TROAP: variants seen among roughly 807,000 people sequenced by gnomAD.
TROAP encodes the protein tastin.
A neutral mutation model predicts 83.4 loss-of-function variants in TROAP; 62 were observed. The observed-to-expected ratio is 0.74, with a 90% CI of 0.61 to 0.92. The LOEUF is 0.92. Ranked by LOEUF, TROAP falls within the 40% of genes least tolerant of loss-of-function variation. The pLI is 0.00. For missense variants in TROAP, 876 were observed against 985.1 expected (o/e 0.89, Z 1.48); for synonymous variants, 352 against 386.4 (o/e 0.91, Z 1.04).
chr12:49,330,404 C>G lies in TROAP; in HGVS notation c.1559C>G (p.Pro520Arg), dbSNP rs1179286714. 6.2e-7 allele frequency: 1 copy of G among 1,614,024 alleles called. No individual in the cohort carries two copies. Among genetic ancestry groups the G allele is most frequent in the African/African-American group, 1.3e-5 (1 of 74,908 alleles). ...GEPQPCPPAE[P>R]GPPEAFCRSE... ...CCACAGCCCTGCCCTCCGGCAGAGC[C>G]TGGGCCCCCAGAGGCCTTCTGTAGG... Residue 520 changes from proline (P) to arginine (R), a missense_variant, in exon 13 of 15, where the codon CCT (proline) becomes CGT (arginine). Pro to Arg is a moderately radical substitution (Grantham distance 103). This residue lies in a region of TROAP where 689 missense variants were observed against 722.6 expected (regional missense o/e 0.95). Transcript: ENST00000257909.
chr12:49,328,105 G>C (rs1355001729), intron 8 of TROAP, among the ~76,000 whole-genome samples: 2 of 150,546 alleles, frequency 1.3e-5, no homozygotes, highest in South Asian at 2.2e-4. Context: ...AACACGATCA[G>C]ATTGGGTAAG....
chr12:49,329,989 C>A lies in TROAP; in HGVS notation c.1297C>A (p.Gln433Lys). 1 of 1,613,962 alleles carries A rather than the reference C, an allele frequency of 6.2e-7. No individual in the cohort carries two copies. The highest frequency in any genetic ancestry group is 1.1e-5 in the South Asian group (1 of 91,060). ...RTPSLQEVKI[Q>K]RIGILQQLLR... ...CCCCAGCCTCCAGGAGGTGAAGATT[C>A]AAGTGAGTCTGTGTGGCCAACAGCT... is the stretch of plus-strand genomic sequence containing the variant. The change falls in exon 12 of 15, where the codon CAA becomes AAA. Residue 433 changes from glutamine (Q) to lysine (K), a missense_variant and splice_region_variant. Physicochemically the swap from Gln to Lys is moderately conservative, Grantham distance 53. Coordinates refer to ENST00000257909, the MANE Select transcript of TROAP (RefSeq NM_005480.4). The surrounding 1 kb of genome is among the most constrained non-coding windows in gnomAD (Gnocchi z 4.5).
At position 49,323,713 on chromosome 12, in the gene TROAP, T is replaced by TA; in HGVS notation, c.106dup (p.Thr36AsnfsTer29). ...AGAAACGCACGCCTTTCCCCACTGT[T>TA]ACATCGTGCGCCGTGGACCAGGAGA... is the stretch of plus-strand genomic sequence containing the variant. On this transcript the variant is annotated frameshift_variant, in exon 2 of 15. Transcript: ENST00000257909. LOFTEE classifies it high-confidence loss of function. 2 of 1,614,080 alleles carry TA rather than the reference T, an allele frequency of 1.2e-6. No individual in the cohort carries two copies. The highest frequency in any genetic ancestry group is 1.7e-6 in the Non-Finnish European group (2 of 1,180,010).
In TROAP at chr12:49,325,515, A is replaced by G. The variant is rs369855235; in HGVS notation, c.352A>G (p.Ile118Val). 3.2e-5 allele frequency: 52 copies of G among 1,613,430 alleles called. No homozygotes were observed. In the African/African-American group the frequency reaches 5.9e-4, roughly 18 times the overall value. ...TTTCCTTGCAGAGGCTCCAGGGACCATAGAGTTTGTGGCTGACCCTGCAGC... is the reference window on the plus strand; with the variant it reads ...TTTCCTTGCAGAGGCTCCAGGGACCGTAGAGTTTGTGGCTGACCCTGCAGC... ...PPAQTEAPGTIEFVADPAALA... is the reference protein window; with the variant it reads ...PPAQTEAPGTVEFVADPAALA... Residue 118 changes from isoleucine to valine, a missense_variant, in exon 4 of 15, where the codon ATA becomes GTA. This residue lies in a region of TROAP where 689 missense variants were observed against 722.6 expected (regional missense o/e 0.95). Coordinates refer to ENST00000257909, the MANE Select transcript of TROAP (RefSeq NM_005480.4).
At chr12:49,326,276 G>C in intron 6 of TROAP, 118 bp downstream of exon 6, 1 of 1,015,842 alleles carries the variant, frequency 9.8e-7, no homozygotes, top group South Asian at 1.3e-5. Flanking sequence ...ACCAACTCAG[G>C]AGGGGAAGCA....
chr12:49,330,615 G>A lies in TROAP; in HGVS notation c.1770G>A (p.Glu590=). The A allele has an allele frequency of 6.2e-7, 1 of 1,612,896 alleles. No homozygotes were observed. Among genetic ancestry groups the A allele is most frequent in the Non-Finnish European group, 8.5e-7 (1 of 1,179,726 alleles). ...PCPPAEPRPL[E]SYCRIEPEIP... ...CTCCAGCAGAACCCAGGCCCCTAGA[G>A]TCCTACTGTAGGATTGAGCCTGAGA... The change falls in exon 13 of 15, where the codon GAG becomes GAA. Residue 590 remains glutamate (E), a synonymous_variant. Transcript: ENST00000257909.
At chr12:49,327,533 A>G (rs950174926) in intron 8 of TROAP, among the ~76,000 whole-genome samples, 3 of 152,152 alleles carry the variant, frequency 2.0e-5, no homozygotes, top group African/African-American at 7.2e-5. Flanking sequence ...TCTGGGGCCT[A>G]GGGTGAGAGG....
Position 49,327,283 on chromosome 12 carries a change from G to T in TROAP, c.844G>T (p.Ala282Ser). The T allele has an allele frequency of 1.9e-6, 3 of 1,614,168 alleles. No homozygotes were observed. The highest frequency in any genetic ancestry group is 2.5e-6 in the Non-Finnish European group (3 of 1,180,000). Reference sequence around the variant, plus strand: ...AGGAGGTGTGGCCTCTCTTGGTCTGGCCCAGCGAGTACCATTAAGAGAAAA... The same window carrying T: ...AGGAGGTGTGGCCTCTCTTGGTCTGTCCCAGCGAGTACCATTAAGAGAAAA... ...DEGGVASLGL[A>S]QRVPLRENRE... The change falls in exon 8 of 15, where the codon GCC becomes TCC. Residue 282 changes from alanine to serine, a missense_variant. By Grantham distance (99) the Ala-to-Ser change is moderately conservative. Around this residue, in one of 3 missense-constraint regions of TROAP, gnomAD observed 689 missense variants for 722.6 expected, o/e 0.95. Coordinates refer to ENST00000257909, the MANE Select transcript of TROAP (RefSeq NM_005480.4).
Position 49,324,040 on chromosome 12 carries a change from A to G in TROAP, c.337+3A>G. ...GCCTGGGCCCCCTGCCCAGACAGGT[A>G]CCTGTTGGAGCCATGGTAACACGGC... On this transcript the variant is annotated splice_donor_region_variant and intron_variant, in intron 3 of 14. Transcript: ENST00000257909. 1 of 1,612,698 alleles carries G rather than the reference A, an allele frequency of 6.2e-7. No homozygotes were observed. Among genetic ancestry groups the G allele is most frequent in the Non-Finnish European group, 8.5e-7 (1 of 1,179,108 alleles).
chr12:49,330,854 C>T lies in TROAP; in HGVS notation c.2009C>T (p.Thr670Ile). ...PCCSQWAPAT[T>I]SLIFSSQHPL... is the part of the protein sequence containing the mutation. ...TGCAGTCAGTGGGCTCCAGCAACCA[C>T]CAGCCTGATCTTCTCTTCCCAACAC... Residue 670 changes from threonine (T) to isoleucine (I), a missense_variant, in exon 13 of 15, where the codon ACC becomes ATC. By Grantham distance (89) the Thr-to-Ile change is moderately conservative. Around this residue, in one of 3 missense-constraint regions of TROAP, gnomAD observed 184 missense variants for 238.3 expected, o/e 0.77. Transcript: ENST00000257909. The T allele has an allele frequency of 6.2e-7, 1 of 1,613,264 alleles. No homozygotes were observed. Among genetic ancestry groups the T allele is most frequent in the Non-Finnish European group, 8.5e-7 (1 of 1,179,986 alleles).
intron 13 of TROAP, 104 bp downstream of exon 13, chr12:49,331,047 C>T: frequency 6.5e-7 from 1 of 1,548,650 alleles, no homozygotes. Context: ...TGCTTCCACA[C>T]CTTCCACCCT....
At position 49,330,189 on chromosome 12, in the gene TROAP, G is replaced by C; in HGVS notation, c.1344G>C (p.Gly448=). ...LQQLLRQEVE[G]LVGGQCVPLN... is the part of the protein sequence containing the mutation. ...AGCTGTTGAGACAGGAAGTAGAGGG[G>C]CTGGTAGGGGGCCAGTGTGTCCCTC... is the stretch of plus-strand genomic sequence containing the variant. Residue 448 remains glycine (G), a synonymous_variant, in exon 13 of 15, where the codon GGG becomes GGC. Transcript: ENST00000257909. The C allele has an allele frequency of 4.3e-6, 7 of 1,614,026 alleles. No homozygotes were observed. The highest frequency in any genetic ancestry group is 5.9e-6 in the Non-Finnish European group (7 of 1,179,944).
At position 49,328,845 on chromosome 12, in the gene TROAP, C is replaced by T. The variant is rs1448392871; in HGVS notation, c.892-82C>T. ...CGCCACTGGACTCCATCCTGGGTGA[C>T]AGAGCGAGACTCCGTATCAAAAAAA... is the stretch of plus-strand genomic sequence containing the variant. On this transcript the variant is annotated intron_variant, in intron 8 of 14. Transcript: ENST00000257909. 1.2e-5 allele frequency: 18 copies of T among 1,482,882 alleles called. No homozygotes were observed. The East Asian group carries it at 3.9e-4, about 32-fold the overall frequency. 91.9% of individuals were successfully genotyped at this position (1,482,882 alleles called of 1,614,324 possible).
intron 13 of TROAP, 81 bp downstream of exon 13, chr12:49,331,024 C>G: frequency 6.3e-7 from 1 of 1,575,574 alleles, no homozygotes; most frequent in Non-Finnish European, 8.6e-7. Flanking sequence ...TGCCCCTACC[C>G]CAGGCAATCT....
chr12:49,323,725 C>T lies in TROAP; in HGVS notation c.117C>T (p.Ala39=). 2 of 1,614,098 alleles carry T rather than the reference C, an allele frequency of 1.2e-6. No individual in the cohort carries two copies. The highest frequency in any genetic ancestry group is 1.7e-6 in the Non-Finnish European group (2 of 1,180,018). The change falls in exon 2 of 15, where the codon GCC becomes GCT. Residue 39 remains alanine (A), a synonymous_variant. Transcript: ENST00000257909. ...RTPFPTVTSC[A]VDQENQDPRR... ...CTTTCCCCACTGTTACATCGTGCGCCGTGGACCAGGAGAACCAAGATCCAA... is the reference window on the plus strand; with the variant it reads ...CTTTCCCCACTGTTACATCGTGCGCTGTGGACCAGGAGAACCAAGATCCAA...
Position 49,329,929 on chromosome 12 carries a change from G to C in TROAP, c.1237G>C (p.Val413Leu). 6.2e-7 allele frequency: 1 copy of C among 1,614,120 alleles called. No homozygotes were observed. The highest frequency in any genetic ancestry group is 8.5e-7 in the Non-Finnish European group (1 of 1,180,010). Residue 413 changes from valine to leucine, a missense_variant, in exon 12 of 15, where the codon GTG becomes CTG. Transcript: ENST00000257909. The surrounding 1 kb of genome is among the most constrained non-coding windows in gnomAD (Gnocchi z 4.5). ...RSLEGSGKPP[V>L]ATPSGPHSNR... ...ACTGGAGGGTTCTGGGAAACCACCG[G>C]TGGCCACTCCTTCTGGACCCCACTC...
chr12:49,330,816 T>C lies in TROAP; in HGVS notation c.1971T>C (p.Ser657=), dbSNP rs1485716413. The C allele has an allele frequency of 3.7e-6, 6 of 1,613,738 alleles. No homozygotes were observed. The highest frequency in any genetic ancestry group is 1.7e-5 in the Admixed American group (1 of 60,020). Residue 657 remains serine, a synonymous_variant, in exon 13 of 15, where the codon AGT becomes AGC. Coordinates refer to ENST00000257909, the MANE Select transcript of TROAP (RefSeq NM_005480.4). The part of the protein sequence containing the change: ...CTLEHRSLES[S]LPPCCSQWAP... ...TGGAACATAGAAGTCTAGAGTCCAG[T>C]CTACCACCCTGCTGCAGTCAGTGGG...
rs956822376 is a variant in TROAP, at chr12:49,330,357, T to C, written c.1512T>C (p.Cys504=). The C allele has an allele frequency of 1.9e-6, 3 of 1,614,046 alleles. No individual in the cohort carries two copies. The highest frequency in any genetic ancestry group is 2.5e-6 in the Non-Finnish European group (3 of 1,180,012). ...LLKHSGLPKP[C]LPEECGEPQP... Reference sequence around the variant, plus strand: ...AACACTCAGGGCTGCCAAAGCCCTGTCTTCCAGAGGAGTGCGGGGAACCAC... The same window carrying C: ...AACACTCAGGGCTGCCAAAGCCCTGCCTTCCAGAGGAGTGCGGGGAACCAC... The change falls in exon 13 of 15, where the codon TGT becomes TGC. Residue 504 remains cysteine, a synonymous_variant. Coordinates refer to ENST00000257909, the MANE Select transcript of TROAP (RefSeq NM_005480.4).
At chr12:49,330,061 A>AT in intron 12 of TROAP, 70 bp downstream of exon 12, 1 of 1,606,434 alleles carries the variant, frequency 6.2e-7, no homozygotes, top group South Asian at 1.1e-5. Context: ...GGGAAAAGAG[A>AT]TGGGGGATCA....
Sources: allele counts gnomAD v4.1 joint callset (sites outside exome capture counted in the v4.1 genomes callset), GRCh38; gene constraint gnomAD v4.1.1; regional missense constraint gnomAD v4.1.1; non-coding constraint Gnocchi (gnomAD v3.1); transcripts MANE v1.5; gene names NCBI Gene and HGNC (gene_info 2026-07-23, HGNC 2026-07-21).